ARID1A: variants seen among roughly 807,000 people sequenced by gnomAD.
The protein encoded by ARID1A is AT-rich interaction domain 1A, also known as AT-rich interactive domain-containing protein 1A.
Under a neutral mutation model 212.6 loss-of-function variants are expected in ARID1A, and 20 were observed. The observed-to-expected ratio is 0.09, with a 90% confidence interval of 0.07 to 0.14. The LOEUF (loss-of-function observed/expected upper bound fraction) is 0.14, where lower values mean the gene tolerates loss of function less well. ARID1A is among the 10% of genes least tolerant of loss of function. The pLI, the probability that ARID1A is intolerant of heterozygous loss-of-function variation, is 1.00. For missense variants in ARID1A, 2,587 were observed against 3,059.0 expected (o/e 0.85, Z 3.64); for synonymous variants, 1,376 against 1,222.1 (o/e 1.13, Z -2.63).
intron 1 of ARID1A, among the ~76,000 whole-genome samples, chr1:26,703,295 GAC>G (rs2080348366): frequency 6.6e-6 from 1 of 152,144 alleles, no homozygotes; most frequent in African/African-American, 2.4e-5. Context: ...TTCCTTCAGT[GAC>G]ACATTCTTTT....
chr1:26,719,896 G>A (rs1308806589), intron 1 of ARID1A, among the ~76,000 whole-genome samples: 2 of 139,870 alleles, frequency 1.4e-5, no homozygotes, highest in African/African-American at 2.7e-5. Flanking sequence ...AGCCGAGATC[G>A]CGCCATTACA....
At position 26,696,946 on chromosome 1, in the gene ARID1A, G is replaced by C; in HGVS notation, c.543G>C (p.Leu181=). The change falls in exon 1 of 20, where the codon CTG becomes CTC. Residue 181 remains leucine, a synonymous_variant. Transcript: ENST00000324856. ...ATGGCGGACAACAAAGCCCTGGCCT[G>C]GCAGCGCTGCAGAGCGGCGGCGGCG... ...QQHGGQQSPG[L]AALQSGGGGG... 6.9e-7 allele frequency: 1 copy of C among 1,457,026 alleles called. No homozygotes were observed. Among genetic ancestry groups the C allele is most frequent in the East Asian group, 2.8e-5 (1 of 35,850 alleles). 90.3% of individuals were successfully genotyped at this position (1,457,026 alleles called of 1,614,324 possible). A position where few individuals can be genotyped will look rare whatever the true frequency, so the allele number is the denominator to read the frequency against.
chr1:26,751,976 A>G (rs758795822), intron 4 of ARID1A, among the ~76,000 whole-genome samples: 1 of 152,234 alleles, frequency 6.6e-6, no homozygotes, highest in Non-Finnish European at 1.5e-5. Flanking sequence ...ATTTCATCCT[A>G]TGCAATGGTT....
chr1:26,730,746 T>C (rs1248654414), intron 2 of ARID1A, among the ~76,000 whole-genome samples: 1 of 152,226 alleles, frequency 6.6e-6, no homozygotes, highest in Admixed American at 6.5e-5. Flanking sequence ...TCTGAATTAC[T>C]AAACCTTAGG....
At chr1:26,764,745 A>G (rs1021491245) in intron 8 of ARID1A, 7 of 152,198 alleles carry the variant, frequency 4.6e-5, no homozygotes, top group African/African-American at 1.7e-4. Flanking sequence ...GGGATTTAGC[A>G]TGACAAAAAG....
At chr1:26,767,353 C>T (rs1378783867) in intron 10 of ARID1A, among the ~76,000 whole-genome samples, 2 of 152,082 alleles carry the variant, frequency 1.3e-5, no homozygotes, top group African/African-American at 2.4e-5. Flanking sequence ...GTGAGTTTTT[C>T]GATTTCTCTA....
intron 1 of ARID1A, among the ~76,000 whole-genome samples, chr1:26,699,657 C>T (rs1053681910): frequency 6.6e-6 from 1 of 152,276 alleles, no homozygotes; most frequent in Admixed American, 6.5e-5. Flanking sequence ...AGACAGCATC[C>T]TCTTGTCTCT....
chr1:26,761,560 C>A, intron 6 of ARID1A, 87 bp downstream of exon 6: 1 of 1,329,758 alleles, frequency 7.5e-7, no homozygotes, highest in Non-Finnish European at 1.1e-6. Context: ...GCTGTTTGAC[C>A]ATGAAGCTTA....
At chr1:26,760,824 T>G (rs2080984458) in intron 4 of ARID1A, 32 bp from the exon 5 acceptor site, 1 of 1,583,590 alleles carries the variant, frequency 6.3e-7, no homozygotes, top group Non-Finnish European at 8.6e-7. Flanking sequence ...TGCCTAATAT[T>G]ACTAATCCAT....
chr1:26,736,548 G>A (rs997065167), intron 4 of ARID1A, among the ~76,000 whole-genome samples: 10 of 145,940 alleles, frequency 6.9e-5, no homozygotes, highest in African/African-American at 2.3e-4. Context: ...AGAATTGCTT[G>A]AACCCGGGAG....
intron 1 of ARID1A, 76 bp downstream of exon 1, chr1:26,697,616 C>T (rs2124745765): frequency 3.3e-6 from 4 of 1,228,870 alleles, no homozygotes; most frequent in Non-Finnish European, 4.1e-6. Context: ...GAGCGGGCCA[C>T]AGCCTTGGGC....
intron 1 of ARID1A, among the ~76,000 whole-genome samples, chr1:26,708,152 A>G (rs992543572): frequency 1.4e-5 from 2 of 147,612 alleles, no homozygotes; most frequent in Non-Finnish European, 3.0e-5. Flanking sequence ...CTGCCTTGTG[A>G]TTCCATTGGT....
At chr1:26,764,937 C>T (rs946674625) in intron 8 of ARID1A, 1 of 152,250 alleles carries the variant, frequency 6.6e-6, no homozygotes, top group African/African-American at 2.4e-5. Context: ...TGGCTCACTC[C>T]TGTAATCCTA....
At chr1:26,759,120 G>A (rs1476672329) in intron 4 of ARID1A, among the ~76,000 whole-genome samples, 1 of 152,192 alleles carries the variant, frequency 6.6e-6, no homozygotes, top group East Asian at 1.9e-4. Flanking sequence ...GCTTGTTTGT[G>A]TGAGCAGGAA....
rs993342722 is a variant in ARID1A at position 26,697,478 on chromosome 1, C to T, written c.1075C>T (p.His359Tyr). Residue 359 changes from histidine (H) to tyrosine (Y), a missense_variant, in exon 1 of 20, where the codon CAC becomes TAC. Physicochemically the swap from His to Tyr is moderately conservative, Grantham distance 83. Coordinates refer to ENST00000324856, the MANE Select transcript of ARID1A (RefSeq NM_006015.6). ...ASGGAQQRSH[H>Y]APMSPGSSGG... ...GGGAGGGGCCCAACAAAGGAGCCAC[C>T]ACGCGCCCATGAGCCCCGGGAGCAG... 3.1e-5 allele frequency: 44 copies of T among 1,402,448 alleles called. No homozygotes were observed. The highest frequency in any genetic ancestry group is 3.8e-5 in the Non-Finnish European group (41 of 1,086,396). The allele number at this position is 1,402,448 out of a possible 1,614,324, so 86.9% of individuals were successfully genotyped here.
At chr1:26,708,302 T>TTTTTTGTG in intron 1 of ARID1A, among the ~76,000 whole-genome samples, 1 of 131,534 alleles carries the variant, frequency 7.6e-6, no homozygotes, top group African/African-American at 3.0e-5. Flanking sequence ...TTTTTTTTTT[T>TTTTTTGTG]GAGACGGAGT....
rs542651085 is a variant in ARID1A, at chr1:26,773,234, T to G, written c.3716-112T>G. The G allele has an allele frequency of 1.4e-5, 20 of 1,432,358 alleles. No individual in the cohort carries two copies. The South Asian group carries it at 2.8e-4, about 20-fold the overall frequency. The allele number at this position is 1,432,358 out of a possible 1,614,324, so 88.7% of individuals were successfully genotyped here. On this transcript the variant is annotated intron_variant, in intron 14 of 19. Coordinates refer to ENST00000324856, the MANE Select transcript of ARID1A (RefSeq NM_006015.6). ...TCTTTAGATCTCTGTTTTGAACTTGTCTGGAAAACAATGAGATCAAACCTG... is the reference window on the plus strand; with the variant it reads ...TCTTTAGATCTCTGTTTTGAACTTGGCTGGAAAACAATGAGATCAAACCTG...
chr1:26,762,727 TAGAA>T (rs1379815887), intron 7 of ARID1A, among the ~76,000 whole-genome samples: 2 of 152,198 alleles, frequency 1.3e-5, no homozygotes, highest in Admixed American at 6.5e-5. Context: ...AGCATGGAAA[TAGAA>T]AGGAAGTTAT....
chr1:26,757,827 C>T (rs951097763), intron 4 of ARID1A, among the ~76,000 whole-genome samples: 4 of 152,030 alleles, frequency 2.6e-5, no homozygotes, highest in East Asian at 1.9e-4. Flanking sequence ...CACCACCACG[C>T]CCGGGTTTTG....
Sources: allele counts gnomAD v4.1 joint callset (sites outside exome capture counted in the v4.1 genomes callset), GRCh38; gene constraint gnomAD v4.1.1; transcripts MANE v1.5; gene names NCBI Gene and HGNC (gene_info 2026-07-23, HGNC 2026-07-21).